Variants in GRIN2B observed in about 807,000 individuals in gnomAD.
The protein encoded by GRIN2B is glutamate receptor ionotropic, NMDA 2B.
A neutral mutation model predicts 114.5 loss-of-function variants in GRIN2B; 5 were observed. The ratio of observed to expected loss-of-function variants is 0.04; its 90% CI spans 0.02 to 0.09. GRIN2B has a LOEUF of 0.09. Among genes scored for constraint, GRIN2B ranks in the 10% least tolerant of loss-of-function variants. The pLI, the probability that GRIN2B is intolerant of heterozygous loss-of-function variation, is 1.00. For synonymous variants in GRIN2B, 787 were observed against 745.1 expected (o/e 1.06, Z -0.92); for missense variants, 1,108 against 1,943.5 (o/e 0.57, Z 8.08).
rs1051917652 is a variant in GRIN2B, at chr12:13,570,890, G to A, written c.2172-873C>T. Among the ~76,000 whole-genome samples the A allele has an allele frequency of 9.2e-5, 14 of 152,270 alleles. No individual in the cohort carries two copies. The East Asian group carries it at 2.3e-3, about 25-fold the overall frequency. ...AGTTAAGTCACCTTGTTAGGTACCC[G>A]ATAGAAAGGGGAACACCAAAAAACC... On this transcript the variant is annotated intron_variant, in intron 11 of 13. Transcript: ENST00000609686.
At chr12:13,852,200 C>T (rs1409936647) in intron 3 of GRIN2B, among the ~76,000 whole-genome samples, 1 of 152,190 alleles carries the variant, frequency 6.6e-6, no homozygotes, top group Non-Finnish European at 1.5e-5. Context: ...CCACTCTCAA[C>T]CCATACCTCA....
intron 4 of GRIN2B, among the ~76,000 whole-genome samples, chr12:13,744,864 G>C (rs536581627): frequency 6.6e-6 from 1 of 152,130 alleles, no homozygotes; most frequent in African/African-American, 2.4e-5. Context: ...GCCGAGGGAA[G>C]GTTCTCTTGC....
intron 2 of GRIN2B, among the ~76,000 whole-genome samples, chr12:13,890,919 A>C (rs1385387567): frequency 2.0e-5 from 3 of 152,264 alleles, no homozygotes; most frequent in Non-Finnish European, 4.4e-5. Context: ...GTGGGCCCGG[A>C]ACCCATCTGA....
At chr12:13,970,093 C>T (rs57523741) in intron 2 of GRIN2B, among the ~76,000 whole-genome samples, 2,241 of 152,286 alleles carry the variant, frequency 0.015, 56 homozygotes, top group African/African-American at 0.051. Context: ...CCTCTTGATC[C>T]ACCTGCCTCG....
Position 13,563,850 on chromosome 12 carries a change from G to A in GRIN2B, c.3388C>T (p.Arg1130Trp), listed in dbSNP as rs1320154351. The A allele has an allele frequency of 6.2e-7, 1 of 1,614,080 alleles. No homozygotes were observed. The change falls in exon 14 of 14, where the codon CGG becomes TGG. Residue 1130 changes from arginine to tryptophan, a missense_variant. Physicochemically the swap from Arg to Trp is moderately radical, Grantham distance 101 (BLOSUM62 -3). Coordinates refer to ENST00000609686, the MANE Select transcript of GRIN2B (RefSeq NM_000834.5). ...CGGAACTGGTCCAGGTAGAAGTCCC[G>A]TAGCCCTTCCTTGTCCCTGAAGTAG... is the stretch of plus-strand genomic sequence containing the variant. ...KRYFRDKEGL[R>W]DFYLDQFRTK...
intron 10 of GRIN2B, among the ~76,000 whole-genome samples, chr12:13,606,766 T>A (rs2136464869): frequency 6.6e-6 from 1 of 152,026 alleles, no homozygotes; most frequent in South Asian, 2.1e-4. Context: ...TTAGTTAGGG[T>A]CGTGATGAAA....
intron 3 of GRIN2B, among the ~76,000 whole-genome samples, chr12:13,814,391 T>C (rs1408687050): frequency 6.6e-6 from 1 of 152,216 alleles, no homozygotes; most frequent in Non-Finnish European, 1.5e-5. Flanking sequence ...GTTTTGTGTG[T>C]TTGTTTTAGT....
chr12:13,714,227 C>T (rs1950437357), intron 4 of GRIN2B, among the ~76,000 whole-genome samples: 1 of 151,744 alleles, frequency 6.6e-6, no homozygotes, highest in South Asian at 2.1e-4. Context: ...TAAGTCCACA[C>T]TGAGGCAGTA....
chr12:13,753,004 C>A lies in GRIN2B; in HGVS notation c.1010+313G>T, dbSNP rs1863511075. On this transcript the variant is annotated intron_variant, in intron 4 of 13. Transcript: ENST00000609686. This position sits in a 1 kb window ranked among gnomAD's most constrained non-coding sequence, Gnocchi z 6.2. Reference sequence around the variant, plus strand: ...TATAATTTACACCTCCAAGCCTATTCTTTCGTATTGTAAAATAGAAACAAT... The same window carrying A: ...TATAATTTACACCTCCAAGCCTATTATTTCGTATTGTAAAATAGAAACAAT... 6.6e-6 allele frequency among the ~76,000 whole-genome samples: 1 copy of A among 152,196 alleles called. No individual in the cohort carries two copies. The highest frequency in any genetic ancestry group is 1.9e-4 in the East Asian group (1 of 5,204).
intron 2 of GRIN2B, among the ~76,000 whole-genome samples, chr12:13,932,983 G>GTGCT (rs1867063594): frequency 7.7e-6 from 1 of 130,016 alleles, no homozygotes; most frequent in South Asian, 2.7e-4. Context: ...GTGTGTGTGT[G>GTGCT]TGTGCGTGTG....
chr12:13,616,666 G>A lies in GRIN2B; in HGVS notation c.1126-9C>T. On this transcript the variant is annotated splice_polypyrimidine_tract_variant and intron_variant, in intron 5 of 13. Coordinates refer to ENST00000609686, the MANE Select transcript of GRIN2B (RefSeq NM_000834.5). Reference sequence around the variant, plus strand: ...TCTTTCCACTTCCCCACCTGCACAAGGATGAACACAAGAATCAGAAACCAC... The same window carrying A: ...TCTTTCCACTTCCCCACCTGCACAAAGATGAACACAAGAATCAGAAACCAC... The A allele has an allele frequency of 6.2e-7, 1 of 1,606,718 alleles. No homozygotes were observed. The highest frequency in any genetic ancestry group is 2.2e-5 in the East Asian group (1 of 44,850).
Position 13,563,287 on chromosome 12 carries a change from C to G in GRIN2B, c.3951G>C (p.Leu1317=), listed in dbSNP as rs774808996. The G allele has an allele frequency of 1.2e-5, 20 of 1,614,226 alleles. No homozygotes were observed. The highest frequency in any genetic ancestry group is 1.6e-5 in the Non-Finnish European group (19 of 1,180,044). Residue 1317 remains leucine, a synonymous_variant, in exon 14 of 14, where the codon CTG becomes CTC. Transcript: ENST00000609686. ...CTTTCAGGCTTACGCTGCGCGGGGC[C>G]AGGGCGGCTTCTTCCTTCTGCAGGT... The part of the protein sequence containing the change: ...FVDLQKEEAA[L]APRSVSLKDK...
intron 2 of GRIN2B, among the ~76,000 whole-genome samples, chr12:13,910,764 T>C (rs1866615570): frequency 6.6e-6 from 1 of 152,230 alleles, no homozygotes; most frequent in African/African-American, 2.4e-5. Flanking sequence ...ATTAATCCTT[T>C]AGCATGACTG....
At chr12:13,600,716 A>G (rs2136454864) in intron 10 of GRIN2B, among the ~76,000 whole-genome samples, 1 of 152,308 alleles carries the variant, frequency 6.6e-6, no homozygotes, top group Non-Finnish European at 1.5e-5. Context: ...TGAAAATGAT[A>G]CATCTCACAG....
intron 4 of GRIN2B, among the ~76,000 whole-genome samples, chr12:13,694,699 AT>A (rs1418915248): frequency 1.1e-4 from 14 of 130,234 alleles, no homozygotes; most frequent in South Asian, 2.4e-4. Flanking sequence ...ATATATATAT[AT>A]ATAAATTAAT....
chr12:13,610,085 A>G (rs1949347126), intron 9 of GRIN2B: 1 of 152,186 alleles, frequency 6.6e-6, no homozygotes, highest in South Asian at 2.1e-4. Flanking sequence ...TGTGATCCTG[A>G]TAGCATCTGC....
In GRIN2B at chr12:13,538,011, A is replaced by G. The variant is rs1385233374; in HGVS notation, c.*24772T>C. The G allele has an allele frequency of 6.6e-6, 1 of 152,260 alleles. No individual in the cohort carries two copies. Among genetic ancestry groups the G allele is most frequent in the Non-Finnish European group, 1.5e-5 (1 of 68,042 alleles). 9.4% of individuals were successfully genotyped at this position (152,260 alleles called of 1,614,324 possible). On this transcript the variant is annotated 3_prime_UTR_variant, in exon 14 of 14. Coordinates refer to ENST00000609686, the MANE Select transcript of GRIN2B (RefSeq NM_000834.5). ...CTTCTTGGTCATTCCAGAATTCCAC[A>G]AGAAATTTCTTTCAGAGGATCATTT... is the stretch of plus-strand genomic sequence containing the variant.
chr12:13,889,290 T>C (rs1286405247), intron 2 of GRIN2B, among the ~76,000 whole-genome samples: 2 of 152,208 alleles, frequency 1.3e-5, no homozygotes, highest in African/African-American at 2.4e-5. Flanking sequence ...TGGTCCATCA[T>C]TGACCAAAAC....
In GRIN2B at chr12:13,563,053, C is replaced by T. The variant is rs1948570490; in HGVS notation, c.4185G>A (p.Gln1395=). The T allele has an allele frequency of 6.2e-7, 1 of 1,614,166 alleles. No individual in the cohort carries two copies. The highest frequency in any genetic ancestry group is 2.2e-5 in the East Asian group (1 of 44,862). ...AGGATTTGCTGCCATGGAGCAAGCA[C>T]TGGTCGTCCCCAAAAGTGGGGATGA... ...NPFIPTFGDD[Q]CLLHGSKSYF... is the part of the protein sequence containing the mutation. The change falls in exon 14 of 14, where the codon CAG becomes CAA. Residue 1395 remains glutamine (Q), a synonymous_variant. Coordinates refer to ENST00000609686, the MANE Select transcript of GRIN2B (RefSeq NM_000834.5).
Sources: allele counts gnomAD v4.1 joint callset (sites outside exome capture counted in the v4.1 genomes callset), GRCh38; gene constraint gnomAD v4.1.1; non-coding constraint Gnocchi (gnomAD v3.1); transcripts MANE v1.5; gene names NCBI Gene and HGNC (gene_info 2026-07-23, HGNC 2026-07-21).